The following XKR6 variants were observed in gnomAD, a reference collection of about 807,000 sequenced individuals.
The protein encoded by XKR6 is XK related 6.
In XKR6, 22 loss-of-function variants were observed where a neutral mutation model predicts 56.7. That is an observed-to-expected ratio of 0.39 (90% CI 0.28 to 0.55). The LOEUF is 0.55. Among genes scored for constraint, XKR6 ranks in the 20% least tolerant of loss-of-function variants. The pLI, the probability that XKR6 is intolerant of heterozygous loss-of-function variation, is 0.66. For missense variants in XKR6, 852 were observed against 889.0 expected, an observed-to-expected ratio of 0.96 and a Z score of 0.53; for synonymous variants, 524 against 387.8, an observed-to-expected ratio of 1.35 and a Z score of -4.13.
chr8:11,180,579 C>A (rs1174827360), intron 1 of XKR6, among the ~76,000 whole-genome samples: 1 of 152,164 alleles, frequency 6.6e-6, no homozygotes, highest in African/African-American at 2.4e-5. Context: ...ACAAATAGTA[C>A]AGGGCAGGAG....
intron 1 of XKR6, among the ~76,000 whole-genome samples, chr8:11,169,131 C>T (rs1163431867): frequency 6.6e-6 from 1 of 152,186 alleles, no homozygotes. Flanking sequence ...CATTCCTTCC[C>T]TGCCCAGTCC....
chr8:11,162,632 C>T (rs951326975), intron 1 of XKR6, among the ~76,000 whole-genome samples: 18 of 152,298 alleles, frequency 1.2e-4, no homozygotes, highest in Middle Eastern at 3.4e-3. Context: ...AAAGGAGAAA[C>T]TTCACTAGTT....
At chr8:11,086,130 G>GAA (rs1445446762) in intron 1 of XKR6, among the ~76,000 whole-genome samples, 25 of 99,306 alleles carry the variant, frequency 2.5e-4, no homozygotes, top group African/African-American at 1.2e-3. Context: ...TTTTTAAAAA[G>GAA]AAAATATATA....
chr8:11,129,414 ATAT>A (rs1034213713), intron 1 of XKR6, among the ~76,000 whole-genome samples: 8 of 152,236 alleles, frequency 5.3e-5, no homozygotes, highest in South Asian at 4.1e-4. Context: ...CAACAAAAAA[ATAT>A]TATAACCACC....
At chr8:11,192,809 C>T (rs776839935) in intron 1 of XKR6, among the ~76,000 whole-genome samples, 4 of 152,126 alleles carry the variant, frequency 2.6e-5, no homozygotes, top group Admixed American at 6.5e-5. Context: ...CCCGTGGGCT[C>T]TCCTAACACA....
intron 1 of XKR6, among the ~76,000 whole-genome samples, chr8:11,135,219 T>G (rs961817422): frequency 6.6e-6 from 1 of 151,988 alleles, no homozygotes; most frequent in African/African-American, 2.4e-5. Flanking sequence ...TTAGCAGAGA[T>G]GGGGTTTCAC....
chr8:11,026,752 T>C (rs1798875888), intron 1 of XKR6, among the ~76,000 whole-genome samples: 1 of 151,130 alleles, frequency 6.6e-6, no homozygotes, highest in African/African-American at 2.4e-5. Flanking sequence ...TGGTCTAGCC[T>C]ACTACACATC....
rs138837734 is a variant in XKR6, at chr8:10,914,547, T to C, written c.961+10087A>G. Among the ~76,000 whole-genome samples, 458 of 152,266 alleles carry C rather than the reference T, an allele frequency of 3.0e-3. 1 individual carries two copies. Among genetic ancestry groups the C allele is most frequent in the African/African-American group, 0.01 (416 of 41,558 alleles). On this transcript the variant is annotated intron_variant, in intron 2 of 2. Transcript: ENST00000416569. ...CCTGCTGCCTACAACTTACTGTGAC[T>C]CCCCCAATGCTCCTCCTCCTTAGGC...
chr8:10,961,082 G>T (rs1296230673), intron 1 of XKR6, among the ~76,000 whole-genome samples: 5 of 152,132 alleles, frequency 3.3e-5, no homozygotes, highest in Non-Finnish European at 7.3e-5. Context: ...AGTATCGGAG[G>T]CATGGCAGGC....
intron 1 of XKR6, among the ~76,000 whole-genome samples, chr8:11,111,227 C>T (rs1036331779): frequency 6.6e-6 from 1 of 152,028 alleles, no homozygotes; most frequent in Admixed American, 6.6e-5. Flanking sequence ...CCCTTCCATT[C>T]ACACTGTCTA....
At position 11,130,715 on chromosome 8, in the gene XKR6, C is replaced by T. The variant is rs137874685; in HGVS notation, c.764+69861G>A. Among the ~76,000 whole-genome samples, 123 of 151,896 alleles carry T rather than the reference C, an allele frequency of 8.1e-4. 1 individual carries two copies. The highest frequency in any genetic ancestry group is 2.9e-3 in the African/African-American group (118 of 41,374). ...ACAAAGGTACAGATTGTGTATCTTC[C>T]ATCACAAGCCAAGGGATATGCTGAA... On this transcript the variant is annotated intron_variant, in intron 1 of 2. Coordinates refer to ENST00000416569, the MANE Select transcript of XKR6 (RefSeq NM_173683.4).
chr8:11,141,559 A>T (rs532634405), intron 1 of XKR6, among the ~76,000 whole-genome samples: 3 of 152,318 alleles, frequency 2.0e-5, no homozygotes, highest in East Asian at 3.9e-4. Context: ...AACAAGTCAG[A>T]CGCATACTCT....
At chr8:10,967,627 G>A (rs376969001) in intron 1 of XKR6, among the ~76,000 whole-genome samples, 16 of 152,324 alleles carry the variant, frequency 1.1e-4, no homozygotes, top group Middle Eastern at 3.4e-3. Context: ...AAGTGGGCAA[G>A]GTAACAAGAG....
chr8:11,050,103 G>C (rs1799507445), intron 1 of XKR6, among the ~76,000 whole-genome samples: 2 of 152,186 alleles, frequency 1.3e-5, no homozygotes, highest in Admixed American at 6.5e-5. Flanking sequence ...ATTTACAAAG[G>C]AATATCAGGA....
At chr8:11,072,580 G>C (rs1168204868) in intron 1 of XKR6, among the ~76,000 whole-genome samples, 1 of 152,184 alleles carries the variant, frequency 6.6e-6, no homozygotes, top group Non-Finnish European at 1.5e-5. Flanking sequence ...GTCTCATGTT[G>C]AGTGGAGAGA....
intron 1 of XKR6, among the ~76,000 whole-genome samples, chr8:11,114,773 G>GTGTGTGTATATA (rs34746866): frequency 3.4e-5 from 5 of 146,502 alleles, no homozygotes; most frequent in Non-Finnish European, 7.6e-5. Context: ...GTGTGTGTGT[G>GTGTGTGTATATA]TATGTGCCAG....
intron 1 of XKR6, among the ~76,000 whole-genome samples, chr8:11,079,701 T>C (rs2129169524): frequency 6.6e-6 from 1 of 152,338 alleles, no homozygotes; most frequent in Middle Eastern, 3.4e-3. Context: ...GGTTCATGCC[T>C]CTTATTCTAG....
intron 1 of XKR6, among the ~76,000 whole-genome samples, chr8:10,976,521 C>T (rs531338980): frequency 6.6e-6 from 1 of 152,288 alleles, no homozygotes; most frequent in South Asian, 2.1e-4. Context: ...GTTAGGGCTC[C>T]CTGTGCACGG....
rs114803327 is a variant in XKR6 at position 10,925,287 on chromosome 8, C to T, written c.765-457G>A. ...AAGCGGGTGAACATTTCTGAAGCTC[C>T]TACTACGTGCCATTCGCTGGCTGGC... is the stretch of plus-strand genomic sequence containing the variant. On this transcript the variant is annotated intron_variant, in intron 1 of 2. Coordinates refer to ENST00000416569, the MANE Select transcript of XKR6 (RefSeq NM_173683.4). Among the ~76,000 whole-genome samples the T allele has an allele frequency of 3.1e-3, 469 of 152,316 alleles. 3 individuals are homozygous for T. The highest frequency in any genetic ancestry group is 0.011 in the African/African-American group (437 of 41,562).
Sources: allele counts gnomAD v4.1 joint callset (sites outside exome capture counted in the v4.1 genomes callset), GRCh38; gene constraint gnomAD v4.1.1; transcripts MANE v1.5; gene names NCBI Gene and HGNC (gene_info 2026-07-23, HGNC 2026-07-21).